The following EFCAB3 variants were observed in gnomAD, a reference collection of about 807,000 sequenced individuals.
The protein encoded by EFCAB3 is EF-hand calcium-binding domain-containing protein 3.
In EFCAB3, 36 loss-of-function variants were observed where a neutral mutation model predicts 42.2. That is an observed-to-expected ratio of 0.85 (90% CI 0.65 to 1.13). The LOEUF is 1.13. Among genes scored for constraint, EFCAB3 ranks in the 50% most tolerant of loss-of-function variants. The pLI is 0.00. For synonymous variants in EFCAB3, 170 were observed against 172.8 expected, an observed-to-expected ratio of 0.98 and a Z score of 0.13; for missense variants, 418 against 505.1, an observed-to-expected ratio of 0.83 and a Z score of 1.65.
intron 2 of EFCAB3, 95 bp from the exon 3 acceptor site, chr17:62,387,245 A>T (rs2070259926): frequency 5.7e-6 from 5 of 869,706 alleles, no homozygotes; most frequent in South Asian, 4.6e-5. Flanking sequence ...TTGAGATGCT[A>T]CAGTCATTCC....
chr17:62,388,101 T>G, intron 3 of EFCAB3, among the ~76,000 whole-genome samples: 1 of 152,116 alleles, frequency 6.6e-6, no homozygotes, highest in South Asian at 2.1e-4. Context: ...TCCCAGCTAT[T>G]TGGGAGGCTG....
chr17:62,403,095 C>T (rs554146272), intron 6 of EFCAB3, among the ~76,000 whole-genome samples: 13 of 152,288 alleles, frequency 8.5e-5, no homozygotes, highest in Non-Finnish European at 1.5e-4. Context: ...TTATAGTATT[C>T]TCTGATGGTA....
intron 2 of EFCAB3, among the ~76,000 whole-genome samples, chr17:62,386,020 C>T (rs1317217751): frequency 2.0e-5 from 3 of 151,938 alleles, no homozygotes; most frequent in Non-Finnish European, 4.4e-5. Flanking sequence ...AGCCACCGCA[C>T]CCGGCCTAGT....
chr17:62,377,059 A>T (rs991544678), upstream of EFCAB3, among the ~76,000 whole-genome samples: 1 of 152,118 alleles, frequency 6.6e-6, no homozygotes, highest in Non-Finnish European at 1.5e-5. Flanking sequence ...AGAGAGAGAG[A>T]GTGACCAGAT....
chr17:62,403,277 C>A (rs927917936), intron 6 of EFCAB3, among the ~76,000 whole-genome samples: 1 of 152,172 alleles, frequency 6.6e-6, no homozygotes, highest in Non-Finnish European at 1.5e-5. Flanking sequence ...AATCACTAAG[C>A]CCTGTCTATC....
Position 62,374,661 on chromosome 17 carries a change from G to C in EFCAB3, c.88+794G>C, listed in dbSNP as rs143260627. ...TATGCTGTGAAATTGATCAACAGAG[G>C]CAAGGTAAAACTTGTCTCTGCCCTC... On this transcript the variant is annotated intron_variant, in intron 2 of 11. Coordinates refer to the EFCAB3 transcript ENST00000450662. Among the ~76,000 whole-genome samples, 12 of 152,174 alleles carry C rather than the reference G, an allele frequency of 7.9e-5. No individual in the cohort carries two copies. In the East Asian group the frequency reaches 2.3e-3, roughly 29 times the overall value.
intron 8 of EFCAB3, 66 bp from the exon 9 acceptor site, chr17:62,413,666 T>C: frequency 8.1e-7 from 1 of 1,227,810 alleles, no homozygotes. Context: ...TTATTTATTA[T>C]GTCTTTTTGT....
At chr17:62,386,472 AAAAAAAAGTTGT>A (rs1186036595) in intron 2 of EFCAB3, among the ~76,000 whole-genome samples, 1 of 150,724 alleles carries the variant, frequency 6.6e-6, no homozygotes, top group East Asian at 1.9e-4. Context: ...AGTTGTAAAA[AAAAAAAAGTTGT>A]AAAATAGTCA....
At chr17:62,398,501 A>C (rs1325742066) in intron 6 of EFCAB3, among the ~76,000 whole-genome samples, 1 of 23,272 alleles carries the variant, frequency 4.3e-5, no homozygotes, top group Admixed American at 6.9e-4. Flanking sequence ...TTATATGCAA[A>C]AAAAAAAAAA....
chr17:62,392,806 T>G (rs2070315758), intron 4 of EFCAB3, among the ~76,000 whole-genome samples: 2 of 151,694 alleles, frequency 1.3e-5, no homozygotes, highest in Admixed American at 1.3e-4. Flanking sequence ...CCCGGCTAAT[T>G]TTTTGTATTT....
intron 8 of EFCAB3, among the ~76,000 whole-genome samples, chr17:62,410,647 C>A (rs773643253): frequency 1.3e-5 from 2 of 151,440 alleles, no homozygotes; most frequent in Non-Finnish European, 2.9e-5. Flanking sequence ...GACAAACATT[C>A]AAAAATGTAT....
intron 8 of EFCAB3, among the ~76,000 whole-genome samples, chr17:62,410,982 G>A (rs541979862): frequency 2.1e-4 from 32 of 152,284 alleles, no homozygotes; most frequent in African/African-American, 7.2e-4. Flanking sequence ...AGGATTGTAG[G>A]ATGCATGGAT....
chr17:62,388,532 G>A (rs1355591210), intron 3 of EFCAB3, among the ~76,000 whole-genome samples: 5 of 152,196 alleles, frequency 3.3e-5, no homozygotes, highest in Non-Finnish European at 7.3e-5. Context: ...AGAGGCTGAT[G>A]CTTTACCCCA....
intron 9 of EFCAB3, among the ~76,000 whole-genome samples, chr17:62,415,521 T>A (rs113416170): frequency 6.6e-6 from 1 of 152,218 alleles, no homozygotes; most frequent in African/African-American, 2.4e-5. Flanking sequence ...ACCAAGTGCC[T>A]GAACCCTCCT....
At chr17:62,382,908 A>C (rs1410943489) in intron 1 of EFCAB3, 55 bp from the exon 2 acceptor site, 5 of 1,503,954 alleles carry the variant, frequency 3.3e-6, no homozygotes, top group Non-Finnish European at 3.6e-6. Context: ...GTTGCAAAAG[A>C]ATATAAAGAA....
At chr17:62,376,996 G>A (rs866830042), upstream of EFCAB3, among the ~76,000 whole-genome samples, 29 of 152,272 alleles carry the variant, frequency 1.9e-4, no homozygotes, top group Middle Eastern at 6.8e-3. Context: ...ATGGCATAGG[G>A]TGCCTCTAGC....
At chr17:62,387,305 G>A in intron 2 of EFCAB3, 35 bp from the exon 3 acceptor site, 1 of 1,527,500 alleles carries the variant, frequency 6.5e-7, no homozygotes, top group Non-Finnish European at 9.0e-7. Context: ...TTTCACATAG[G>A]TAGTAAATCT....
At chr17:62,415,703 G>A (rs1237002056) in intron 9 of EFCAB3, among the ~76,000 whole-genome samples, 1 of 152,106 alleles carries the variant, frequency 6.6e-6, no homozygotes, top group Non-Finnish European at 1.5e-5. Flanking sequence ...GAACTGAGTG[G>A]CTGAATTGGC....
chr17:62,412,887 A>G (rs2070511786), intron 8 of EFCAB3, among the ~76,000 whole-genome samples: 1 of 152,220 alleles, frequency 6.6e-6, no homozygotes. Flanking sequence ...GGAAAACGTG[A>G]CATTTCAACA....
Sources: gnomAD v4.1 joint callset for allele counts (sites outside exome capture counted in the v4.1 genomes callset) on GRCh38, gnomAD v4.1.1 for gene constraint, MANE v1.5 for transcripts, NCBI Gene and HGNC (gene_info 2026-07-23, HGNC 2026-07-21) for gene names.